Variants in CHST9 observed in about 807,000 individuals in gnomAD.
CHST9 encodes the protein carbohydrate sulfotransferase 9.
Under a neutral mutation model 44.4 loss-of-function variants are expected in CHST9, and 41 were observed. The ratio of observed to expected loss-of-function variants is 0.92; its 90% CI spans 0.72 to 1.20. The LOEUF (loss-of-function observed/expected upper bound fraction) is 1.20, where lower values mean the gene tolerates loss of function less well. Among genes scored for constraint, CHST9 ranks in the 50% most tolerant of loss-of-function variants. The pLI is 0.00. For synonymous variants in CHST9, 171 were observed against 178.4 expected (o/e 0.96, Z 0.33); for missense variants, 504 against 516.5 (o/e 0.98, Z 0.23).
chr18:27,112,300 AT>A (rs1018873297), intron 2 of CHST9, among the ~76,000 whole-genome samples: 2 of 151,014 alleles, frequency 1.3e-5, no homozygotes, highest in Non-Finnish European at 3.0e-5. Flanking sequence ...CAGATTTTAA[AT>A]TTTTTTGGAT....
chr18:26,929,352 T>C (rs571254393), intron 5 of CHST9, among the ~76,000 whole-genome samples: 91 of 152,326 alleles, frequency 6.0e-4, no homozygotes, highest in Admixed American at 2.7e-3. Flanking sequence ...GTAAGTCTTT[T>C]AGAGAATTAA....
At position 26,916,489 on chromosome 18, in the gene CHST9, C is replaced by G. The variant is rs1568088569; in HGVS notation, c.1102G>C (p.Gly368Arg). The G allele has an allele frequency of 1.9e-6, 3 of 1,613,786 alleles. No individual in the cohort carries two copies. Among genetic ancestry groups the G allele is most frequent in the Non-Finnish European group, 2.5e-6 (3 of 1,179,756 alleles). Reference sequence around the variant, plus strand: ...TCTTCTTCCAAAGTCTCAAATTTCCCTACAAAATCATAGTTGATCAAACAC... The same window carrying G: ...TCTTCTTCCAAAGTCTCAAATTTCCGTACAAAATCATAGTTGATCAAACAC... ...YPCLINYDFV[G>R]KFETLEEDAN... The change falls in exon 6 of 6, where the codon GGG becomes CGG. Residue 368 changes from glycine to arginine, a missense_variant. Gly to Arg is a moderately radical substitution (Grantham distance 125). Transcript: ENST00000618847.
Position 26,915,104 on chromosome 18 carries a change from G to T in CHST9, c.*1155C>A. 2.5e-6 allele frequency: 1 copy of T among 395,842 alleles called. No homozygotes were observed. The highest frequency in any genetic ancestry group is 4.5e-6 in the Non-Finnish European group (1 of 224,474). The allele number at this position is 395,842 out of a possible 1,614,324, so 24.5% of individuals were successfully genotyped here. A position where few individuals can be genotyped will look rare whatever the true frequency, so the allele number is the denominator to read the frequency against. ...CTTTGATTTAATATTTGAATGCAAT[G>T]GTATCTGACTTTGTTAGTATAGAAT... On this transcript the variant is annotated 3_prime_UTR_variant, in exon 6 of 6. Coordinates refer to ENST00000618847, the MANE Select transcript of CHST9 (RefSeq NM_031422.6).
chr18:27,049,862 A>G (rs958680387), intron 2 of CHST9, among the ~76,000 whole-genome samples: 1 of 152,176 alleles, frequency 6.6e-6, no homozygotes, highest in Admixed American at 6.5e-5. Context: ...ATAAAGGCAG[A>G]CAGCACAGAG....
intron 2 of CHST9, among the ~76,000 whole-genome samples, chr18:27,089,295 C>A (rs1265585288): frequency 6.9e-6 from 1 of 144,964 alleles, no homozygotes; most frequent in African/African-American, 2.5e-5. Context: ...CAGCCCCCCA[C>A]CCCCCGACAT....
In CHST9 at chr18:26,972,107, A is replaced by T. The variant is rs531273532; in HGVS notation, c.203-27741T>A. On this transcript the variant is annotated intron_variant, in intron 4 of 5. Coordinates refer to ENST00000618847, the MANE Select transcript of CHST9 (RefSeq NM_031422.6). ...CGCCGTGGCTCACGTCTGCAATCCC[A>T]GCACTTTGGGAGGCCGAGGCGGGCG... 2.0e-5 allele frequency among the ~76,000 whole-genome samples: 3 copies of T among 152,222 alleles called. No individual in the cohort carries two copies. In the South Asian group the frequency reaches 6.2e-4, roughly 32 times the overall value.
At chr18:26,924,658 G>C in intron 5 of CHST9, 1 of 706,952 alleles carries the variant, frequency 1.4e-6, no homozygotes, top group Non-Finnish European at 1.7e-6. Context: ...TGATGGGAGA[G>C]GGTGGGGTGC....
Position 26,915,007 on chromosome 18 carries a change from C to T in CHST9, c.*1252G>A, listed in dbSNP as rs986447633. ...TTCCCCAAGGGATCTAATTTAGGAT[C>T]CCTTGGAAAAAAATTCCAAAATGCA... On this transcript the variant is annotated 3_prime_UTR_variant, in exon 6 of 6. Coordinates refer to ENST00000618847, the MANE Select transcript of CHST9 (RefSeq NM_031422.6). The T allele has an allele frequency of 4.3e-5, 17 of 397,758 alleles. No individual in the cohort carries two copies. The highest frequency in any genetic ancestry group is 6.2e-4 in the Middle Eastern group (1 of 1,604). 24.6% of individuals were successfully genotyped at this position (397,758 alleles called of 1,614,324 possible).
At chr18:26,931,948 A>G (rs1207575218) in intron 5 of CHST9, among the ~76,000 whole-genome samples, 2 of 151,962 alleles carry the variant, frequency 1.3e-5, no homozygotes, top group African/African-American at 4.8e-5. Context: ...CTCACTACCT[A>G]ACCCATGCTT....
chr18:27,122,678 G>A (rs991428223), intron 2 of CHST9, among the ~76,000 whole-genome samples: 4 of 152,124 alleles, frequency 2.6e-5, no homozygotes, highest in African/African-American at 9.7e-5. Context: ...AAGAGTGAAG[G>A]AGAAAAAGGC....
chr18:27,078,415 T>C (rs2057927234), intron 2 of CHST9, among the ~76,000 whole-genome samples: 1 of 152,172 alleles, frequency 6.6e-6, no homozygotes, highest in Non-Finnish European at 1.5e-5. Context: ...CTGCAAACAC[T>C]GAATTAATGA....
chr18:27,152,798 G>A lies in CHST9; in HGVS notation c.-96-9893C>T, dbSNP rs138102565. On this transcript the variant is annotated intron_variant, in intron 1 of 5. Transcript: ENST00000618847. ...TTTTGGAGTCCTGGGATTTTTCTGCGGTGGTACAAAAAAATGGTAATTTGG... is the reference window on the plus strand; with the variant it reads ...TTTTGGAGTCCTGGGATTTTTCTGCAGTGGTACAAAAAAATGGTAATTTGG... Among the ~76,000 whole-genome samples the A allele has an allele frequency of 4.5e-3, 680 of 151,922 alleles. 6 individuals are homozygous for A. The highest frequency in any genetic ancestry group is 0.015 in the African/African-American group (607 of 41,438).
intron 2 of CHST9, among the ~76,000 whole-genome samples, chr18:27,053,291 G>A (rs1332744737): frequency 7.3e-6 from 1 of 137,042 alleles, no homozygotes; most frequent in African/African-American, 2.7e-5. Context: ...AGAAGGAGAA[G>A]GAGAAGGAGA....
At chr18:26,982,436 A>C (rs2056703117) in intron 4 of CHST9, among the ~76,000 whole-genome samples, 1 of 152,008 alleles carries the variant, frequency 6.6e-6, no homozygotes, top group Non-Finnish European at 1.5e-5. Flanking sequence ...TTCTCTAGCA[A>C]AAACAGTCAA....
rs1040899595 is a variant in CHST9 at position 26,916,078 on chromosome 18, G to A, written c.*181C>T. 3 of 509,868 alleles carry A rather than the reference G, an allele frequency of 5.9e-6. No individual in the cohort carries two copies. Among genetic ancestry groups the A allele is most frequent in the Non-Finnish European group, 1.0e-5 (3 of 286,938 alleles). 31.6% of individuals were successfully genotyped at this position (509,868 alleles called of 1,614,324 possible). A position where few individuals can be genotyped will look rare whatever the true frequency, so the allele number is the denominator to read the frequency against. ...GCAACTCAAGTTGTTTACATCTCCT[G>A]TAGGTGATTTTCCTATAACTTTGTG... On this transcript the variant is annotated 3_prime_UTR_variant, in exon 6 of 6. Coordinates refer to ENST00000618847, the MANE Select transcript of CHST9 (RefSeq NM_031422.6).
At chr18:26,919,452 T>A (rs1391314037) in intron 5 of CHST9, among the ~76,000 whole-genome samples, 5 of 152,208 alleles carry the variant, frequency 3.3e-5, no homozygotes, top group African/African-American at 1.2e-4. Context: ...TGGGTGCACA[T>A]GCATGGAAAG....
chr18:27,149,606 T>G (rs930765806), intron 1 of CHST9, among the ~76,000 whole-genome samples: 1 of 151,658 alleles, frequency 6.6e-6, no homozygotes, highest in Non-Finnish European at 1.5e-5. Context: ...CAGCTTTTTT[T>G]TTTTTTTCTT....
At chr18:26,991,593 C>T (rs2056816823) in intron 4 of CHST9, among the ~76,000 whole-genome samples, 1 of 151,980 alleles carries the variant, frequency 6.6e-6, no homozygotes, top group African/African-American at 2.4e-5. Context: ...GGGAAGAGGA[C>T]AAAACAGCAT....
At chr18:27,053,603 G>T (rs939700739) in intron 2 of CHST9, among the ~76,000 whole-genome samples, 3 of 152,058 alleles carry the variant, frequency 2.0e-5, no homozygotes, top group African/African-American at 4.8e-5. Flanking sequence ...TTGTTTGTTG[G>T]TTTTTTCTGT....
Sources: allele counts gnomAD v4.1 joint callset (sites outside exome capture counted in the v4.1 genomes callset), GRCh38; gene constraint gnomAD v4.1.1; transcripts MANE v1.5; gene names NCBI Gene and HGNC (gene_info 2026-07-23, HGNC 2026-07-21).